The following PLEC variants were observed in gnomAD, a reference collection of about 807,000 sequenced individuals.
The protein encoded by PLEC is plectin.
Under a neutral mutation model 392.8 loss-of-function variants are expected in PLEC, and 216 were observed. The ratio of observed to expected loss-of-function variants is 0.55; its 90% CI spans 0.49 to 0.62. PLEC has a LOEUF of 0.62. PLEC is among the 20% of genes least tolerant of loss of function. The pLI, the probability that PLEC is intolerant of heterozygous loss-of-function variation, is 0.00. For missense variants in PLEC, 6,863 were observed against 6,563.4 expected (o/e 1.05, Z -1.58); for synonymous variants, 3,621 against 2,980.6 (o/e 1.21, Z -7.00).
Position 143,926,837 on chromosome 8 carries a change from T to C in PLEC, c.3991A>G (p.Ser1331Gly), listed in dbSNP as rs782509767. ...TCGCTGATGAACTTGATGTACTGGC[T>C]CGTCAGTGTGGTCAGCTCGCTGTAG... Reference protein sequence around the residue: ...THYSELTTLTSQYIKFISETL... With the variant: ...THYSELTTLTGQYIKFISETL... The change falls in exon 30 of 32, where the codon AGC becomes GGC. Residue 1331 changes from serine to glycine, a missense_variant. Transcript: ENST00000345136. 6.2e-7 allele frequency: 1 copy of C among 1,613,592 alleles called. No homozygotes were observed. The highest frequency in any genetic ancestry group is 2.2e-5 in the East Asian group (1 of 44,894).
chr8:143,944,411 C>T (rs1831123359), upstream of PLEC, among the ~76,000 whole-genome samples: 1 of 152,238 alleles, frequency 6.6e-6, no homozygotes, highest in Admixed American at 6.5e-5. Context: ...GCCCCCACCT[C>T]AAGCCTGCAG....
chr8:143,940,721 C>T (rs1286622855), upstream of PLEC, among the ~76,000 whole-genome samples: 1 of 152,178 alleles, frequency 6.6e-6, no homozygotes, highest in Non-Finnish European at 1.5e-5. Context: ...AAGAGCTCAC[C>T]CCACCTCATT....
chr8:143,925,878 C>G lies in PLEC; in HGVS notation c.4051G>C (p.Ala1351Pro). The change falls in exon 31 of 32, where the codon GCT becomes CCT. Residue 1351 changes from alanine (A) to proline (P), a missense_variant. Physicochemically the swap from Ala to Pro is conservative, Grantham distance 27 (BLOSUM62 -1). Coordinates refer to ENST00000345136, the MANE Select transcript of PLEC (RefSeq NM_201384.3). ...CGCTCCTCTGCCCGCTGCTGCTCAGCCAGCCTCTGTGGCCACAGCAGAGAG... is the reference window on the plus strand; with the variant it reads ...CGCTCCTCTGCCCGCTGCTGCTCAGGCAGCCTCTGTGGCCACAGCAGAGAG... ...LRRMEEEERL[A>P]EQQRAEERER... is the part of the protein sequence containing the mutation. 1 of 1,544,618 alleles carries G rather than the reference C, an allele frequency of 6.5e-7. No individual in the cohort carries two copies. Among genetic ancestry groups the G allele is most frequent in the Non-Finnish European group, 8.7e-7 (1 of 1,151,310 alleles).
At position 143,927,286 on chromosome 8, in the gene PLEC, T is replaced by C. The variant is rs1304169541; in HGVS notation, c.3806A>G (p.Gln1269Arg). Reference protein sequence around the residue: ...ERHGEKVEECQRFAKQYINAI... With the variant: ...ERHGEKVEECRRFAKQYINAI... ...GTTGATGTACTGTTTCGCAAACCTC[T>C]GGCACTCCTCGACCTTCTCGCCGTG... Residue 1269 changes from glutamine to arginine, a missense_variant, in exon 28 of 32, where the codon CAG (glutamine) becomes CGG (arginine). Transcript: ENST00000345136. 5 of 1,613,232 alleles carry C rather than the reference T, an allele frequency of 3.1e-6. No homozygotes were observed. The highest frequency in any genetic ancestry group is 1.3e-5 in the African/African-American group (1 of 74,940).
rs1554685611 is a variant in PLEC, at chr8:143,921,404, A to G, written c.8417T>C (p.Leu2806Pro). The stretch of plus-strand genomic sequence containing the variant: ...GCCGCCCGTGGCGATCTGGGCCTCC[A>G]GCAGGCGGATGCCGTGCTCCCGGAC... Reference protein sequence around the residue: ...LIVREHGIRLLEAQIATGGVI... With the variant: ...LIVREHGIRLPEAQIATGGVI... Residue 2806 changes from leucine to proline, a missense_variant, in exon 32 of 32, where the codon CTG (leucine) becomes CCG (proline). Transcript: ENST00000345136. 1.2e-6 allele frequency: 2 copies of G among 1,613,406 alleles called. No homozygotes were observed.
At chr8:143,974,316 T>C (rs1833581491), upstream of PLEC, among the ~76,000 whole-genome samples, 1 of 152,250 alleles carries the variant, frequency 6.6e-6, no homozygotes, top group Non-Finnish European at 1.5e-5. The surrounding 1 kb of genome is among the most constrained non-coding windows in gnomAD (Gnocchi z 5.9). Context: ...GTAAAGGTGA[T>C]GCTGAAGAAA....
rs370471882 is a variant in PLEC at position 143,927,931 on chromosome 8, G to T, written c.3322C>A (p.His1108Asn). 1 of 1,603,052 alleles carries T rather than the reference G, an allele frequency of 6.2e-7. No homozygotes were observed. The highest frequency in any genetic ancestry group is 8.5e-7 in the Non-Finnish European group (1 of 1,175,690). Residue 1108 changes from histidine to asparagine, a missense_variant, in exon 26 of 32, where the codon CAC becomes AAC. His to Asn is a moderately conservative substitution (Grantham distance 68). Coordinates refer to ENST00000345136, the MANE Select transcript of PLEC (RefSeq NM_201384.3). ...TGGGCCTCCTTGAGCTGCTCCTCGT[G>T]GGCCCTGAGCACCTCCTCGGCCCCC... ...TQGAEEVLRA[H>N]EEQLKEAQAV...
At chr8:143,955,430 G>A (rs1421107723), upstream of PLEC, among the ~76,000 whole-genome samples, 2 of 152,162 alleles carry the variant, frequency 1.3e-5, no homozygotes, top group African/African-American at 4.8e-5. Flanking sequence ...GCAGTGAGCC[G>A]AGATCGCGCC....
Position 143,931,611 on chromosome 8 carries a change from C to A in PLEC, c.2227G>T (p.Glu743Ter). 6.2e-7 allele frequency: 1 copy of A among 1,601,122 alleles called. No individual in the cohort carries two copies. Residue 743 changes from glutamate to a stop codon, truncating the protein, a stop_gained, in exon 19 of 32, where the codon GAG (glutamate) becomes TAG (stop). Coordinates refer to ENST00000345136, the MANE Select transcript of PLEC (RefSeq NM_201384.3). LOFTEE classifies it high-confidence loss of function. ...CAACTGTATTTCCTACGCAGTGCCT[C>A]CTGCAGCTTCTGCAACTGCCCCTCG... is the stretch of plus-strand genomic sequence containing the variant. The part of the protein sequence containing the change: ...EAEGQLQKLQ[E>*]ALRRKYSCDR...
Position 143,920,433 on chromosome 8 carries a change from C to T in PLEC, c.9388G>A (p.Gly3130Ser). Reference protein sequence around the residue: ...LKKGLIPREQGLRLLDAQLST... With the variant: ...LKKGLIPREQSLRLLDAQLST... Reference sequence around the variant, plus strand: ...AGCTGGGCGTCCAACAGGCGCAGGCCCTGCTCCCGGGGAATGAGGCCCTTC... The same window carrying T: ...AGCTGGGCGTCCAACAGGCGCAGGCTCTGCTCCCGGGGAATGAGGCCCTTC... The change falls in exon 32 of 32, where the codon GGC becomes AGC. Residue 3130 changes from glycine (G) to serine (S), a missense_variant. Transcript: ENST00000345136. 6.3e-7 allele frequency: 1 copy of T among 1,598,378 alleles called. No individual in the cohort carries two copies. The highest frequency in any genetic ancestry group is 8.5e-7 in the Non-Finnish European group (1 of 1,174,582).
In PLEC at chr8:143,919,086, T is replaced by G. The variant is rs1821596301; in HGVS notation, c.10735A>C (p.Ser3579Arg). The change falls in exon 32 of 32, where the codon AGC becomes CGC. Residue 3579 changes from serine to arginine, a missense_variant. Coordinates refer to ENST00000345136, the MANE Select transcript of PLEC (RefSeq NM_201384.3). ...AGGGACATGGTGGAGCCGCCGTGGC[T>G]GCCGCCGCCGGGAATGTCGATCTGT... Reference protein sequence around the residue: ...ETQIDIPGGGSHGGSTMSLWE... With the variant: ...ETQIDIPGGGRHGGSTMSLWE... 6.2e-7 allele frequency: 1 copy of G among 1,611,826 alleles called. No homozygotes were observed. Among genetic ancestry groups the G allele is most frequent in the East Asian group, 2.2e-5 (1 of 44,880 alleles).
rs554765447 is a variant in PLEC, at chr8:143,936,675, G to A, written c.435+304C>T. On this transcript the variant is annotated intron_variant, in intron 5 of 31. Transcript: ENST00000345136. ...CAGCGGGTGAGTCAGCCTGTGCTGC[G>A]CAGAAGCCTCCCCAGGGCAGGCACC... is the stretch of plus-strand genomic sequence containing the variant. Among the ~76,000 whole-genome samples the A allele has an allele frequency of 2.3e-4, 35 of 152,320 alleles. No individual in the cohort carries two copies. In the South Asian group the frequency reaches 4.8e-3, roughly 21 times the overall value.
rs782050679 is a variant in PLEC at position 143,922,719 on chromosome 8, G to A, written c.7210C>T (p.Gln2404Ter). 1 of 1,611,978 alleles carries A rather than the reference G, an allele frequency of 6.2e-7. No homozygotes were observed. Reference protein sequence around the residue: ...RAQARAEEDAQRFRKQAEEIG... With the variant: ...RAQARAEEDA ...TCCTCCGCCTGCTTCCGGAAGCGCT[G>A]GGCGTCCTCCTCAGCGCGGGCCTGG... The change falls in exon 31 of 32, where the codon CAG becomes TAG. Residue 2404 changes from glutamine to a stop codon, truncating the protein, a stop_gained. Coordinates refer to ENST00000345136, the MANE Select transcript of PLEC (RefSeq NM_201384.3). LOFTEE classifies it high-confidence loss of function.
rs530662366 is a variant in PLEC at position 143,915,606 on chromosome 8, G to C, written c.*571C>G. 8.5e-5 allele frequency: 13 copies of C among 152,628 alleles called. No homozygotes were observed. The highest frequency in any genetic ancestry group is 3.1e-4 in the African/African-American group (13 of 41,454). The allele number at this position is 152,628 out of a possible 1,614,324, so 9.5% of individuals were successfully genotyped here. On this transcript the variant is annotated 3_prime_UTR_variant, in exon 32 of 32. Transcript: ENST00000345136. ...AGGGGAACAGAGGCTGGAGGCTGAC[G>C]CCGGAGGCCAGGGGTCTCAGGAGTG... is the stretch of plus-strand genomic sequence containing the variant.
Position 143,925,174 on chromosome 8 carries a change from G to A in PLEC, c.4755C>T (p.Phe1585=), listed in dbSNP as rs782561083. The A allele has an allele frequency of 8.9e-6, 14 of 1,568,062 alleles. No homozygotes were observed. The highest frequency in any genetic ancestry group is 8.8e-5 in the Admixed American group (5 of 56,588). ...EAELQSKRAS[F]AEKTAQLERS... ...GCTCCAGCTGTGCCGTCTTCTCGGCGAAGGAGGCGCGTTTGCTCTGCAGCT... is the reference window on the plus strand; with the variant it reads ...GCTCCAGCTGTGCCGTCTTCTCGGCAAAGGAGGCGCGTTTGCTCTGCAGCT... Residue 1585 remains phenylalanine (F), a synonymous_variant, in exon 31 of 32, where the codon TTC becomes TTT. Coordinates refer to ENST00000345136, the MANE Select transcript of PLEC (RefSeq NM_201384.3).
chr8:143,933,822 G>A (rs1486256547), intron 12 of PLEC, among the ~76,000 whole-genome samples, 176 bp downstream of exon 12: 1 of 152,216 alleles, frequency 6.6e-6, no homozygotes, highest in Non-Finnish European at 1.5e-5. Flanking sequence ...GTGAGAGTTA[G>A]CTGCACACGA....
At chr8:143,936,355 G>A (rs1829051590) in intron 5 of PLEC, among the ~76,000 whole-genome samples, 1 of 152,238 alleles carries the variant, frequency 6.6e-6, no homozygotes, top group African/African-American at 2.4e-5. Flanking sequence ...CTGGGATGGA[G>A]CAGAGTGGAA....
At chr8:143,963,286 C>T (rs1034920000) in intron 1 of PLEC, among the ~76,000 whole-genome samples, 2 of 152,282 alleles carry the variant, frequency 1.3e-5, no homozygotes, top group African/African-American at 4.8e-5. Flanking sequence ...ACATGTGCTA[C>T]CCTTTGAGAA....
chr8:143,917,983 C>A lies in PLEC; in HGVS notation c.11838G>T (p.Arg3946=), dbSNP rs1563937615. The A allele has an allele frequency of 6.2e-7, 1 of 1,612,594 alleles. No homozygotes were observed. The highest frequency in any genetic ancestry group is 8.5e-7 in the Non-Finnish European group (1 of 1,179,950). The change falls in exon 32 of 32, where the codon CGG becomes CGT. Residue 3946 remains arginine (R), a synonymous_variant. Transcript: ENST00000345136. ...TCTTCATGGCCTGGTACACCGAGAG[C>A]CGTTCCTTGGTGGCGTCCACGAAGA... ...AGVFVDATKE[R]LSVYQAMKKG...
Sources: gnomAD v4.1 joint callset for allele counts (sites outside exome capture counted in the v4.1 genomes callset) on GRCh38, gnomAD v4.1.1 for gene constraint, Gnocchi (gnomAD v3.1) non-coding constraint, MANE v1.5 for transcripts, NCBI Gene and HGNC (gene_info 2026-07-23, HGNC 2026-07-21) for gene names.